The following SYT1 variants were observed in gnomAD, a reference collection of about 807,000 sequenced individuals.
The protein encoded by SYT1 is synaptotagmin 1.
A neutral mutation model predicts 44.8 loss-of-function variants in SYT1; 8 were observed. The observed-to-expected ratio is 0.18, with a 90% CI of 0.10 to 0.32. The LOEUF (loss-of-function observed/expected upper bound fraction) is 0.32. Among genes scored for constraint, SYT1 ranks in the 10% least tolerant of loss-of-function variants. The probability of loss-of-function intolerance (pLI) is 1.00; values close to 1 mark genes in which losing one functional copy is unlikely to be tolerated. For synonymous variants in SYT1, 154 were observed against 188.8 expected (o/e 0.82, Z 1.51); for missense variants, 286 against 509.3 (o/e 0.56, Z 4.22).
At chr12:79,368,608 T>C (rs1037778722) in intron 9 of SYT1, among the ~76,000 whole-genome samples, 122 of 151,522 alleles carry the variant, frequency 8.1e-4, no homozygotes, top group African/African-American at 2.9e-3. Flanking sequence ...TGTGAGATGG[T>C]ATCTCATTGT....
chr12:78,982,202 T>A (rs557556003), intron 2 of SYT1, among the ~76,000 whole-genome samples: 12 of 152,326 alleles, frequency 7.9e-5, no homozygotes, highest in African/African-American at 2.9e-4. Context: ...TTTGAGCTGA[T>A]ATATCTCATT....
intron 3 of SYT1, among the ~76,000 whole-genome samples, chr12:79,110,698 A>G (rs1000331605): frequency 6.6e-6 from 1 of 152,194 alleles, no homozygotes; most frequent in Non-Finnish European, 1.5e-5. Context: ...AGCTAATTGA[A>G]GTATAACATG....
chr12:79,400,783 T>C (rs1201536891), intron 9 of SYT1, among the ~76,000 whole-genome samples: 2 of 152,210 alleles, frequency 1.3e-5, no homozygotes, highest in African/African-American at 2.4e-5. Context: ...GCCTGGGCTA[T>C]TGCCATGTTT....
intron 3 of SYT1, among the ~76,000 whole-genome samples, chr12:79,111,664 A>G (rs1334421616): frequency 4.0e-5 from 6 of 151,872 alleles, no homozygotes; most frequent in African/African-American, 1.2e-4. Flanking sequence ...ATAAGCCCCT[A>G]TGGTGAGTAT....
intron 2 of SYT1, among the ~76,000 whole-genome samples, chr12:79,004,986 G>C (rs1164535435): frequency 6.6e-6 from 1 of 151,762 alleles, no homozygotes; most frequent in Non-Finnish European, 1.5e-5. Flanking sequence ...GAAACCCCAG[G>C]GTTTCATAGA....
At chr12:79,409,787 T>C (rs1183167429) in intron 9 of SYT1, among the ~76,000 whole-genome samples, 3 of 152,148 alleles carry the variant, frequency 2.0e-5, no homozygotes, top group Non-Finnish European at 4.4e-5. Context: ...GGAGAGGATT[T>C]TGTATGAGTT....
At chr12:79,311,937 G>T (rs985158314) in intron 8 of SYT1, among the ~76,000 whole-genome samples, 1 of 149,480 alleles carries the variant, frequency 6.7e-6, no homozygotes, top group East Asian at 2.0e-4. Context: ...GTTAATGGGT[G>T]CAGCACACCA....
chr12:78,968,097 G>A (rs114494121), intron 1 of SYT1, among the ~76,000 whole-genome samples: 2,078 of 152,170 alleles, frequency 0.014, 54 homozygotes, highest in African/African-American at 0.048. Context: ...AATTTACTAT[G>A]AAAATTTAAT....
At chr12:79,106,802 G>T (rs954317283) in intron 3 of SYT1, among the ~76,000 whole-genome samples, 1 of 151,858 alleles carries the variant, frequency 6.6e-6, no homozygotes, top group Non-Finnish European at 1.5e-5. Context: ...ATTTAGAAAT[G>T]CATCTTAAGT....
At chr12:79,250,599 G>C (rs1177447017) in intron 4 of SYT1, among the ~76,000 whole-genome samples, 1 of 152,210 alleles carries the variant, frequency 6.6e-6, no homozygotes, top group East Asian at 1.9e-4. Flanking sequence ...GGTGAAGTCA[G>C]TGATTTTAGG....
At chr12:79,356,482 AT>A (rs1214794930) in intron 9 of SYT1, among the ~76,000 whole-genome samples, 1 of 152,164 alleles carries the variant, frequency 6.6e-6, no homozygotes, top group African/African-American at 2.4e-5. Flanking sequence ...CAAGTCTTGC[AT>A]TTCAAATGTG....
intron 1 of SYT1, among the ~76,000 whole-genome samples, chr12:78,902,574 A>C (rs550291166): frequency 4.6e-5 from 7 of 152,272 alleles, no homozygotes; most frequent in Admixed American, 4.6e-4. Flanking sequence ...AACTATAGCA[A>C]TACTATTGAT....
intron 9 of SYT1, among the ~76,000 whole-genome samples, chr12:79,404,154 A>G (rs1885163643): frequency 6.6e-6 from 1 of 152,274 alleles, no homozygotes; most frequent in African/African-American, 2.4e-5. Flanking sequence ...AACTGTGAGT[A>G]CCCAATAAAG....
intron 9 of SYT1, among the ~76,000 whole-genome samples, chr12:79,390,078 G>T (rs1010758187): frequency 2.0e-4 from 31 of 151,918 alleles, no homozygotes; most frequent in Non-Finnish European, 4.4e-5. Flanking sequence ...GACTACAGGC[G>T]CCCGCCACCA....
At chr12:79,165,376 G>T (rs1592809303) in intron 3 of SYT1, among the ~76,000 whole-genome samples, 1 of 151,858 alleles carries the variant, frequency 6.6e-6, no homozygotes, top group African/African-American at 2.4e-5. Context: ...TTTTTTCTGG[G>T]CTAGGCACCA....
In SYT1 at chr12:79,016,836, A is replaced by G. The variant is rs1032375646; in HGVS notation, c.-83-30461A>G. Reference sequence around the variant, plus strand: ...ACTACCAACAAGGTATAAATTTGGGAAAATTGTTATTTTTTATTTGAAATG... The same window carrying G: ...ACTACCAACAAGGTATAAATTTGGGGAAATTGTTATTTTTTATTTGAAATG... On this transcript the variant is annotated intron_variant, in intron 2 of 10. Transcript: ENST00000261205. 3.3e-5 allele frequency among the ~76,000 whole-genome samples: 5 copies of G among 152,090 alleles called. No homozygotes were observed. The South Asian group carries it at 6.2e-4, about 19-fold the overall frequency.
chr12:78,886,420 T>C lies in SYT1; in HGVS notation c.-217+21311T>C, dbSNP rs141080549. Reference sequence around the variant, plus strand: ...AAACAAAAACAGATTGATACCAACATTCACAGGGATACCTACTGTGCTGAA... The same window carrying C: ...AAACAAAAACAGATTGATACCAACACTCACAGGGATACCTACTGTGCTGAA... On this transcript the variant is annotated intron_variant, in intron 1 of 10. Coordinates refer to ENST00000261205, the MANE Select transcript of SYT1 (RefSeq NM_005639.3). Among the ~76,000 whole-genome samples, 198 of 152,134 alleles carry C rather than the reference T, an allele frequency of 1.3e-3. 1 individual carries two copies. The highest frequency in any genetic ancestry group is 4.4e-3 in the African/African-American group (183 of 41,568).
At chr12:79,072,115 T>C (rs1876323249) in intron 3 of SYT1, among the ~76,000 whole-genome samples, 1 of 152,166 alleles carries the variant, frequency 6.6e-6, no homozygotes, top group Non-Finnish European at 1.5e-5. Context: ...TTGTTATCTG[T>C]AGAATTTCTT....
At chr12:79,143,033 C>T (rs1020954259) in intron 3 of SYT1, among the ~76,000 whole-genome samples, 1 of 152,070 alleles carries the variant, frequency 6.6e-6, no homozygotes, top group Admixed American at 6.6e-5. Flanking sequence ...TTCATGTAAC[C>T]TTGTGGGTCT....
Sources: gnomAD v4.1 joint callset for allele counts (sites outside exome capture counted in the v4.1 genomes callset) on GRCh38, gnomAD v4.1.1 for gene constraint, MANE v1.5 for transcripts, NCBI Gene and HGNC (gene_info 2026-07-23, HGNC 2026-07-21) for gene names.